The following FGF14 variants were observed in gnomAD, a reference collection of about 807,000 sequenced individuals.
The protein encoded by FGF14 is fibroblast growth factor homologous factor 4.
FGF14 carries 5 observed loss-of-function variants against 25.5 expected under a neutral mutation model. That is an observed-to-expected ratio of 0.20 (90% CI 0.10 to 0.41). The LOEUF is 0.41. FGF14 is among the 10% of genes least tolerant of loss of function. The pLI is 1.00. For missense variants in FGF14, 222 were observed against 320.1 expected, an observed-to-expected ratio of 0.69 and a Z score of 2.34; for synonymous variants, 138 against 118.3, an observed-to-expected ratio of 1.17 and a Z score of -1.08.
chr13:102,109,863 G>A (rs1211036601), intron 1 of FGF14, among the ~76,000 whole-genome samples: 1 of 152,098 alleles, frequency 6.6e-6, no homozygotes, highest in African/African-American at 2.4e-5. Flanking sequence ...CAGGTGATCT[G>A]CCTGCCTCGG....
intron 3 of FGF14, chr13:101,868,359 C>A: frequency 4.9e-6 from 1 of 202,120 alleles, no homozygotes; most frequent in Non-Finnish European, 1.0e-5. Context: ...TTAGAAAATA[C>A]TCTCCTTTTA....
At chr13:101,937,300 C>G (rs779086467) in intron 1 of FGF14, among the ~76,000 whole-genome samples, 1 of 152,172 alleles carries the variant, frequency 6.6e-6, no homozygotes, top group Non-Finnish European at 1.5e-5. Flanking sequence ...TGTTGAAGAC[C>G]TAACCCCTAG....
Position 101,722,522 on chromosome 13 carries a change from C to G in FGF14, c.*309G>C, listed in dbSNP as rs1594026369. 2.4e-6 allele frequency: 1 copy of G among 413,366 alleles called. No homozygotes were observed. Among genetic ancestry groups the G allele is most frequent in the South Asian group, 2.2e-5 (1 of 45,424 alleles). The allele number at this position is 413,366 out of a possible 1,614,324, so 25.6% of individuals were successfully genotyped here. On this transcript the variant is annotated 3_prime_UTR_variant, in exon 5 of 5. Coordinates refer to ENST00000376143, the MANE Select transcript of FGF14 (RefSeq NM_004115.4). ...GGGTAGCTGTCAGCAGGCAAGGTAT[C>G]GAGTGTACTTGTGAAGTATGTCATT...
intron 1 of FGF14, among the ~76,000 whole-genome samples, chr13:102,240,165 A>G (rs2141024489): frequency 6.6e-6 from 1 of 152,210 alleles, no homozygotes; most frequent in South Asian, 2.1e-4. Flanking sequence ...ATAGGGAGAA[A>G]ATGCTTCTTA....
intron 1 of FGF14, among the ~76,000 whole-genome samples, chr13:101,899,594 G>A (rs2138970844): frequency 6.6e-6 from 1 of 151,996 alleles, no homozygotes; most frequent in Non-Finnish European, 1.5e-5. Flanking sequence ...TCTAAAAAAG[G>A]GAGTAAAAAC....
chr13:101,726,546 C>T, intron 4 of FGF14, 66 bp downstream of exon 4: 4 of 1,448,454 alleles, frequency 2.8e-6, no homozygotes, highest in South Asian at 2.3e-5. Context: ...CCATGGTAGA[C>T]CTATCAATTT....
intron 1 of FGF14, among the ~76,000 whole-genome samples, chr13:102,362,978 C>A (rs764358655): frequency 3.9e-5 from 6 of 151,998 alleles, no homozygotes; most frequent in Non-Finnish European, 1.5e-5. Flanking sequence ...GAATGATTTA[C>A]TTTCTATAGG....
At chr13:101,980,482 A>G (rs1290119463) in intron 1 of FGF14, among the ~76,000 whole-genome samples, 1 of 152,194 alleles carries the variant, frequency 6.6e-6, no homozygotes, top group African/African-American at 2.4e-5. Context: ...TTTAAACTAG[A>G]GCATTATAAT....
chr13:101,910,097 G>A (rs2032743502), intron 1 of FGF14, among the ~76,000 whole-genome samples: 1 of 151,576 alleles, frequency 6.6e-6, no homozygotes, highest in African/African-American at 2.4e-5. Context: ...CTGTTGTGGG[G>A]TGGGGGTAGG....
intron 1 of FGF14, among the ~76,000 whole-genome samples, chr13:101,886,103 TA>T (rs1287625609): frequency 6.6e-6 from 1 of 152,154 alleles, no homozygotes; most frequent in Non-Finnish European, 1.5e-5. Flanking sequence ...TTTTCTTCCT[TA>T]AAACATTTAC....
intron 1 of FGF14, among the ~76,000 whole-genome samples, chr13:102,322,183 G>GCT (rs1382312590): frequency 6.6e-6 from 1 of 152,184 alleles, no homozygotes; most frequent in Non-Finnish European, 1.5e-5. Flanking sequence ...TAAATGTCAT[G>GCT]CTAAGATGTA....
At chr13:102,077,333 G>C (rs1280650728) in intron 1 of FGF14, among the ~76,000 whole-genome samples, 1 of 152,076 alleles carries the variant, frequency 6.6e-6, no homozygotes, top group African/African-American at 2.4e-5. Context: ...GCACAGTAAG[G>C]GAACAATCAA....
chr13:102,064,001 T>C (rs2042798656), intron 1 of FGF14, among the ~76,000 whole-genome samples: 1 of 152,138 alleles, frequency 6.6e-6, no homozygotes, highest in Non-Finnish European at 1.5e-5. Context: ...AATTAAAAGG[T>C]TTTTTAAAGT....
intron 3 of FGF14, among the ~76,000 whole-genome samples, chr13:101,769,859 C>G (rs1362522881): frequency 6.6e-6 from 1 of 152,142 alleles, no homozygotes; most frequent in Non-Finnish European, 1.5e-5. Flanking sequence ...TGAAAATACT[C>G]TGTATGATAC....
intron 1 of FGF14, among the ~76,000 whole-genome samples, chr13:102,271,369 A>G (rs1200173796): frequency 6.6e-6 from 1 of 152,072 alleles, no homozygotes; most frequent in East Asian, 1.9e-4. Flanking sequence ...TGTTCCAGTC[A>G]CAGCCATTCA....
intron 1 of FGF14, among the ~76,000 whole-genome samples, chr13:102,365,757 GTTATAA>G (rs1385432152): frequency 1.3e-5 from 2 of 151,884 alleles, no homozygotes; most frequent in Admixed American, 6.6e-5. Context: ...TGTGTGTATA[GTTATAA>G]TTATAGTTAT....
intron 1 of FGF14, among the ~76,000 whole-genome samples, chr13:102,357,208 C>T (rs999197359): frequency 6.6e-6 from 1 of 151,190 alleles, no homozygotes; most frequent in African/African-American, 2.4e-5. Flanking sequence ...TTGCACACCT[C>T]GAGGGTGTAG....
At chr13:102,245,892 G>C (rs1296626799) in intron 1 of FGF14, among the ~76,000 whole-genome samples, 1 of 152,044 alleles carries the variant, frequency 6.6e-6, no homozygotes, top group East Asian at 1.9e-4. Flanking sequence ...TTAAAGTATA[G>C]TAAGAAAAAC....
chr13:102,391,114 C>G (rs752478808), intron 1 of FGF14, among the ~76,000 whole-genome samples: 10 of 152,086 alleles, frequency 6.6e-5, no homozygotes, highest in Non-Finnish European at 1.5e-4. Flanking sequence ...AATACTAATC[C>G]TGATCTTGCC....
Sources: allele counts gnomAD v4.1 joint callset (sites outside exome capture counted in the v4.1 genomes callset), GRCh38; gene constraint gnomAD v4.1.1; transcripts MANE v1.5; gene names NCBI Gene and HGNC (gene_info 2026-07-23, HGNC 2026-07-21).